ATP6V0E1: variants seen among roughly 807,000 people sequenced by gnomAD.
The protein encoded by ATP6V0E1 is V-type proton ATPase subunit e 1.
Under a neutral mutation model 11.6 loss-of-function variants are expected in ATP6V0E1, and 4 were observed. That is an observed-to-expected ratio of 0.35 (90% CI 0.17 to 0.79). ATP6V0E1 has a LOEUF of 0.79. ATP6V0E1 is among the 30% of genes least tolerant of loss of function. The probability of loss-of-function intolerance (pLI) is 0.54; values close to 1 mark genes in which losing one functional copy is unlikely to be tolerated. For missense variants in ATP6V0E1, 105 were observed against 100.0 expected (o/e 1.05, Z -0.21); for synonymous variants, 36 against 34.8 (o/e 1.04, Z -0.13).
chr5:173,011,273 C>T (rs1244142884), intron 2 of ATP6V0E1, among the ~76,000 whole-genome samples: 4 of 151,084 alleles, frequency 2.6e-5, no homozygotes, highest in Non-Finnish European at 5.9e-5. Flanking sequence ...CCTTGACCTC[C>T]GGCCAGTGAT....
chr5:172,993,610 T>C (rs1756016115), intron 1 of ATP6V0E1, among the ~76,000 whole-genome samples: 1 of 151,560 alleles, frequency 6.6e-6, no homozygotes, highest in Non-Finnish European at 1.5e-5. Context: ...ATCCCAACAC[T>C]TTGGGAGGCT....
intron 2 of ATP6V0E1, among the ~76,000 whole-genome samples, chr5:173,017,299 C>T (rs1173965279): frequency 1.3e-5 from 2 of 152,008 alleles, no homozygotes; most frequent in South Asian, 2.1e-4. Flanking sequence ...TTTGGGAGGC[C>T]GAGGTGGGCG....
At chr5:173,030,197 C>T (rs969505635) in intron 3 of ATP6V0E1, among the ~76,000 whole-genome samples, 19 of 152,140 alleles carry the variant, frequency 1.2e-4, no homozygotes, top group Admixed American at 1.2e-3. Context: ...TTTTGCCATT[C>T]ATTTGGTACA....
At chr5:173,021,908 G>T (rs561071240) in intron 3 of ATP6V0E1, among the ~76,000 whole-genome samples, 8 of 152,208 alleles carry the variant, frequency 5.3e-5, no homozygotes, top group African/African-American at 1.9e-4. Context: ...AGTGGTGGGC[G>T]CATGTAGTCC....
intron 2 of ATP6V0E1, among the ~76,000 whole-genome samples, chr5:173,014,103 G>C (rs1756368776): frequency 6.7e-6 from 1 of 149,562 alleles, no homozygotes; most frequent in Non-Finnish European, 1.5e-5. Flanking sequence ...AGAGGTTGCA[G>C]TGAGCCAAGA....
intron 3 of ATP6V0E1, among the ~76,000 whole-genome samples, chr5:173,031,006 G>A (rs756174418): frequency 1.3e-4 from 20 of 151,746 alleles, no homozygotes; most frequent in Non-Finnish European, 2.6e-4. Flanking sequence ...GTGCAGTGGT[G>A]CGATCTCCGC....
At chr5:172,993,824 T>C (rs1162695140) in intron 1 of ATP6V0E1, among the ~76,000 whole-genome samples, 2 of 152,008 alleles carry the variant, frequency 1.3e-5, no homozygotes, top group Non-Finnish European at 2.9e-5. Context: ...GGAGCTATGA[T>C]CATGCCACTG....
At chr5:173,018,567 CCT>C (rs888079831) in intron 2 of ATP6V0E1, among the ~76,000 whole-genome samples, 2 of 152,166 alleles carry the variant, frequency 1.3e-5, no homozygotes, top group Admixed American at 6.5e-5. Context: ...GCTTCATTCC[CCT>C]GTCTGTCTTC....
chr5:173,020,255 T>C lies in ATP6V0E1; in HGVS notation c.170T>C (p.Leu57Pro). The C allele has an allele frequency of 6.2e-7, 1 of 1,613,764 alleles. No homozygotes were observed. Among genetic ancestry groups the C allele is most frequent in the Non-Finnish European group, 8.5e-7 (1 of 1,179,664 alleles). Reference sequence around the variant, plus strand: ...TCTTTTAGTTGGCTGATTGCAATTCTGGCCCAACTCAACCCTCTCTTTGGA... The same window carrying C: ...TCTTTTAGTTGGCTGATTGCAATTCCGGCCCAACTCAACCCTCTCTTTGGA... Reference protein sequence around the residue: ...CCYLFWLIAILAQLNPLFGPQ... With the variant: ...CCYLFWLIAIPAQLNPLFGPQ... The change falls in exon 3 of 4, where the codon CTG (leucine) becomes CCG (proline). Residue 57 changes from leucine to proline, a missense_variant. Physicochemically the swap from Leu to Pro is moderately conservative, Grantham distance 98. Transcript: ENST00000519374.
intron 2 of ATP6V0E1, among the ~76,000 whole-genome samples, chr5:173,015,272 A>G (rs1031243827): frequency 6.6e-6 from 1 of 152,208 alleles, no homozygotes; most frequent in African/African-American, 2.4e-5. Context: ...ATTAAATGAA[A>G]GGTTATATGT....
intron 2 of ATP6V0E1, among the ~76,000 whole-genome samples, chr5:173,017,840 C>CAAAAAA (rs538210275): frequency 2.1e-4 from 14 of 66,452 alleles, no homozygotes; most frequent in East Asian, 5.0e-4. Context: ...GACTCCTTCT[C>CAAAAAA]AAAAAAAAAA....
At chr5:173,020,538 A>T in intron 3 of ATP6V0E1, 171 bp downstream of exon 3, 1 of 577,230 alleles carries the variant, frequency 1.7e-6, no homozygotes, top group Non-Finnish European at 3.1e-6. Flanking sequence ...GCTTACCTAA[A>T]TCTCATTAAG....
intron 2 of ATP6V0E1, among the ~76,000 whole-genome samples, chr5:173,018,215 G>A (rs139250479): frequency 7.9e-5 from 12 of 152,186 alleles, no homozygotes; most frequent in African/African-American, 1.2e-4. Flanking sequence ...ATTATATCCC[G>A]TGTTCCTATA....
chr5:172,999,183 A>G (rs1756116233), intron 2 of ATP6V0E1, among the ~76,000 whole-genome samples: 2 of 152,146 alleles, frequency 1.3e-5, no homozygotes, highest in South Asian at 4.1e-4. Flanking sequence ...GAATGACTTG[A>G]GATTTAAACC....
Position 172,983,979 on chromosome 5 carries a change from C to G in ATP6V0E1, c.104+15C>G. 6.2e-7 allele frequency: 1 copy of G among 1,610,046 alleles called. No homozygotes were observed. The highest frequency in any genetic ancestry group is 8.5e-7 in the Non-Finnish European group (1 of 1,177,822). ...CCTAACCGGGGGTAAGTGCGTGAGGCCCGCCTTGGGAGGAACGGGCGGTGA... is the reference window on the plus strand; with the variant it reads ...CCTAACCGGGGGTAAGTGCGTGAGGGCCGCCTTGGGAGGAACGGGCGGTGA... On this transcript the variant is annotated intron_variant, in intron 1 of 3. Coordinates refer to ENST00000519374, the MANE Select transcript of ATP6V0E1 (RefSeq NM_003945.4).
At chr5:172,984,171 C>T (rs577558014) in intron 1 of ATP6V0E1, among the ~76,000 whole-genome samples, 2 of 151,332 alleles carry the variant, frequency 1.3e-5, no homozygotes, top group South Asian at 4.1e-4. Flanking sequence ...TGGAGGGTGA[C>T]CTTTGGTGGA....
At chr5:173,017,166 C>T (rs1756412128) in intron 2 of ATP6V0E1, among the ~76,000 whole-genome samples, 1 of 152,174 alleles carries the variant, frequency 6.6e-6, no homozygotes, top group Admixed American at 6.6e-5. Context: ...GGCTAGTTCC[C>T]CGCTTATAGG....
At chr5:173,031,977 TCAA>T (rs1321152458) in intron 3 of ATP6V0E1, among the ~76,000 whole-genome samples, 4 of 151,372 alleles carry the variant, frequency 2.6e-5, no homozygotes, top group Admixed American at 1.3e-4. Context: ...AAACCCCATC[TCAA>T]CAACAACAAC....
intron 1 of ATP6V0E1, among the ~76,000 whole-genome samples, chr5:172,993,687 C>A (rs528027888): frequency 6.3e-5 from 8 of 126,634 alleles, no homozygotes; most frequent in Non-Finnish European, 9.9e-5. Flanking sequence ...AGACCCCCCC[C>A]CCCGACCCCA....
Sources: gnomAD v4.1 joint callset for allele counts (sites outside exome capture counted in the v4.1 genomes callset) on GRCh38, gnomAD v4.1.1 for gene constraint, MANE v1.5 for transcripts, NCBI Gene and HGNC (gene_info 2026-07-23, HGNC 2026-07-21) for gene names.